Variants in UBE2V1 observed in about 807,000 individuals in gnomAD.
UBE2V1 encodes ubiquitin conjugating enzyme E2 V1, also known as ubiquitin-conjugating enzyme E2 variant 1.
UBE2V1 carries 15 observed loss-of-function variants against 19.6 expected under a neutral mutation model. That is an observed-to-expected ratio of 0.77 (90% CI 0.51 to 1.18). The LOEUF (loss-of-function observed/expected upper bound fraction) is 1.18, where lower values mean the gene tolerates loss of function less well. Among genes scored for constraint, UBE2V1 ranks in the 50% most tolerant of loss-of-function variants. The probability of loss-of-function intolerance (pLI) is 0.00; values close to 1 mark genes in which losing one functional copy is unlikely to be tolerated. For missense variants in UBE2V1, 125 were observed against 184.8 expected (o/e 0.68, Z 1.88); for synonymous variants, 60 against 60.7 (o/e 0.99, Z 0.05).
intron 1 of UBE2V1, among the ~76,000 whole-genome samples, chr20:50,107,387 G>T (rs2080458186): frequency 6.6e-6 from 1 of 152,208 alleles, no homozygotes; most frequent in African/African-American, 2.4e-5. Flanking sequence ...ATTCTTTACA[G>T]TCCAGCCACG....
intron 2 of UBE2V1, among the ~76,000 whole-genome samples, chr20:50,085,091 T>C (rs2078838549): frequency 1.3e-5 from 2 of 151,988 alleles, no homozygotes; most frequent in African/African-American, 4.8e-5. Context: ...GGTTTCTCCA[T>C]GTTGGTCAGG....
At chr20:50,090,310 T>C (rs2079146228) in intron 2 of UBE2V1, among the ~76,000 whole-genome samples, 1 of 152,030 alleles carries the variant, frequency 6.6e-6, no homozygotes, top group African/African-American at 2.4e-5. Flanking sequence ...AACTTAAATG[T>C]CCTAGAGAAA....
At chr20:50,097,135 G>A (rs1325968207) in intron 1 of UBE2V1, among the ~76,000 whole-genome samples, 1 of 152,140 alleles carries the variant, frequency 6.6e-6, no homozygotes, top group Non-Finnish European at 1.5e-5. Flanking sequence ...ATGAATTGGG[G>A]TCAACTAGTA....
chr20:50,097,606 C>T (rs1000474251), intron 1 of UBE2V1, among the ~76,000 whole-genome samples: 1 of 152,156 alleles, frequency 6.6e-6, no homozygotes, highest in Non-Finnish European at 1.5e-5. Flanking sequence ...ATGGACTTTC[C>T]TTCTGTGCTT....
chr20:50,104,968 C>A (rs2080264352), intron 1 of UBE2V1, among the ~76,000 whole-genome samples: 1 of 152,038 alleles, frequency 6.6e-6, no homozygotes, highest in African/African-American at 2.4e-5. Context: ...CTCAAGTGAT[C>A]CACCTGCCTC....
chr20:50,086,033 G>A (rs1046398019), intron 2 of UBE2V1, among the ~76,000 whole-genome samples: 18 of 152,134 alleles, frequency 1.2e-4, no homozygotes, highest in Non-Finnish European at 2.1e-4. Flanking sequence ...TCTTGCTCCC[G>A]GCACAGCAGC....
At chr20:50,107,632 C>T (rs550939094) in intron 1 of UBE2V1, among the ~76,000 whole-genome samples, 25 of 152,314 alleles carry the variant, frequency 1.6e-4, no homozygotes, top group Admixed American at 1.4e-3. Flanking sequence ...TTTGCTTCTG[C>T]CCTATCGGAT....
chr20:50,097,103 G>A (rs1406637652), intron 1 of UBE2V1, among the ~76,000 whole-genome samples: 1 of 152,190 alleles, frequency 6.6e-6, no homozygotes, highest in East Asian at 1.9e-4. Flanking sequence ...ACCTCCTAAG[G>A]GGCTTACATG....
At chr20:50,097,609 C>T (rs1320385082) in intron 1 of UBE2V1, among the ~76,000 whole-genome samples, 3 of 152,192 alleles carry the variant, frequency 2.0e-5, no homozygotes, top group Non-Finnish European at 4.4e-5. Context: ...GACTTTCCTT[C>T]TGTGCTTGGG....
At chr20:50,099,224 T>C (rs989926885) in intron 1 of UBE2V1, among the ~76,000 whole-genome samples, 5 of 152,122 alleles carry the variant, frequency 3.3e-5, no homozygotes, top group Middle Eastern at 3.2e-3. Context: ...CTGAACTGTG[T>C]TCCCCTCAAA....
upstream of UBE2V1, among the ~76,000 whole-genome samples, chr20:50,114,343 C>G (rs1333485210): frequency 5.9e-5 from 9 of 152,264 alleles, 1 homozygote; most frequent in African/African-American, 2.2e-4. Flanking sequence ...CTGCATCTCT[C>G]CACTCCGTTC....
chr20:50,112,263 T>C (rs2080804438), intron 1 of UBE2V1, among the ~76,000 whole-genome samples: 1 of 152,148 alleles, frequency 6.6e-6, no homozygotes, highest in South Asian at 2.1e-4. Flanking sequence ...CAAAGAGACA[T>C]CCTCGGGGCT....
At chr20:50,108,711 T>A (rs2269216) in intron 1 of UBE2V1, among the ~76,000 whole-genome samples, 90,075 of 152,102 alleles carry the variant, frequency 0.59, 28,562 homozygotes, top group African/African-American at 0.84. Flanking sequence ...AAGGATGAGG[T>A]ACTACTTTGT....
intron 1 of UBE2V1, among the ~76,000 whole-genome samples, chr20:50,102,492 C>G (rs76101391): frequency 2.7e-3 from 411 of 152,270 alleles, no homozygotes; most frequent in African/African-American, 6.9e-3. Flanking sequence ...GTCTACCACT[C>G]TGTTTTTAAA....
chr20:50,085,651 T>G (rs994430068), intron 2 of UBE2V1, among the ~76,000 whole-genome samples: 8 of 152,198 alleles, frequency 5.3e-5, no homozygotes, highest in African/African-American at 1.9e-4. Context: ...TAGTGGTCTT[T>G]GGGGAGAATA....
intron 2 of UBE2V1, chr20:50,096,471 G>C (rs764004902): frequency 4.3e-6 from 6 of 1,389,598 alleles, no homozygotes; most frequent in Non-Finnish European, 5.8e-6. Flanking sequence ...GTCTAAACAG[G>C]TTTTTGCTTA....
At chr20:50,098,988 G>A in intron 1 of UBE2V1, 1 of 985,198 alleles carries the variant, frequency 1.0e-6, no homozygotes, top group Non-Finnish European at 1.2e-6. Flanking sequence ...AAAACTGAAA[G>A]ATAGTGGTGA....
chr20:50,098,016 T>C (rs58705008), intron 1 of UBE2V1, among the ~76,000 whole-genome samples: 1,947 of 152,320 alleles, frequency 0.013, 38 homozygotes, highest in African/African-American at 0.045. Context: ...GTAGAAGACA[T>C]ATAATGGACA....
chr20:50,090,498 T>G (rs2147014465), intron 2 of UBE2V1, among the ~76,000 whole-genome samples: 1 of 150,912 alleles, frequency 6.6e-6, no homozygotes, highest in East Asian at 1.9e-4. Context: ...AAAGAAATCT[T>G]GCTAGTCATG....
Sources: allele counts gnomAD v4.1 joint callset (sites outside exome capture counted in the v4.1 genomes callset), GRCh38; gene constraint gnomAD v4.1.1; transcripts MANE v1.5; gene names NCBI Gene and HGNC (gene_info 2026-07-23, HGNC 2026-07-21).